The following GATAD2A variants were observed in gnomAD, a reference collection of about 807,000 sequenced individuals.
GATAD2A encodes GATA zinc finger domain containing 2A.
A neutral mutation model predicts 68.5 loss-of-function variants in GATAD2A; 12 were observed. That is an observed-to-expected ratio of 0.18 (90% CI 0.11 to 0.28). The LOEUF is 0.28. GATAD2A is among the 10% of genes least tolerant of loss of function. The pLI, the probability that GATAD2A is intolerant of heterozygous loss-of-function variation, is 1.00. For missense variants in GATAD2A, 755 were observed against 868.5 expected (o/e 0.87, Z 1.64); for synonymous variants, 410 against 375.3 (o/e 1.09, Z -1.07).
At chr19:19,475,234 C>T (rs1168883057) in intron 2 of GATAD2A, among the ~76,000 whole-genome samples, 1 of 152,220 alleles carries the variant, frequency 6.6e-6, no homozygotes, top group Non-Finnish European at 1.5e-5. Context: ...GCACAGCTGT[C>T]GACGTGAGGG....
rs201376703 is a variant in GATAD2A, at chr19:19,502,525, A to T, written c.1773A>T (p.Thr591=). The change falls in exon 11 of 12, where the codon ACA becomes ACT. Residue 591 remains threonine (T), a splice_region_variant and synonymous_variant. Transcript: ENST00000683918. Reference sequence around the variant, plus strand: ...ACTGGAAGAAGACGCCCCTCAGCACAGGTGGGTGACCTCCACAGGGCTCCC... The same window carrying T: ...ACTGGAAGAAGACGCCCCTCAGCACTGGTGGGTGACCTCCACAGGGCTCCC... ...TSNWKKTPLS[T]GGTLAFVSPS... 5.0e-6 allele frequency: 8 copies of T among 1,607,336 alleles called. No individual in the cohort carries two copies. In the East Asian group the frequency reaches 1.8e-4, roughly 36 times the overall value.
chr19:19,469,682 C>T lies in GATAD2A; in HGVS notation c.269+4068C>T, dbSNP rs545534644. Among the ~76,000 whole-genome samples the T allele has an allele frequency of 5.4e-4, 82 of 152,146 alleles. No individual in the cohort carries two copies. The South Asian group carries it at 0.016, about 31-fold the overall frequency. ...AAGATTCAGGCTGGGCGCAGTGGCT[C>T]ACGCCTGTAATGCCAGCACTTTGGG... is the stretch of plus-strand genomic sequence containing the variant. On this transcript the variant is annotated intron_variant, in intron 2 of 11. Coordinates refer to ENST00000683918, the MANE Select transcript of GATAD2A (RefSeq NM_001384528.1).
chr19:19,498,156 G>A (rs891547724), intron 7 of GATAD2A, among the ~76,000 whole-genome samples: 1 of 152,232 alleles, frequency 6.6e-6, no homozygotes, highest in Non-Finnish European at 1.5e-5. Context: ...TTCACATGGC[G>A]GAGCACAGCA....
chr19:19,409,572 A>G (rs1408096531), intron 1 of GATAD2A, among the ~76,000 whole-genome samples: 1 of 152,158 alleles, frequency 6.6e-6, no homozygotes, highest in Non-Finnish European at 1.5e-5. Context: ...CTGGCCTCAG[A>G]CTGTGGGTCT....
chr19:19,475,800 A>T (rs2058641140), intron 2 of GATAD2A, among the ~76,000 whole-genome samples: 1 of 151,974 alleles, frequency 6.6e-6, no homozygotes, highest in African/African-American at 2.4e-5. Flanking sequence ...CAGGCTCCTC[A>T]TCCAATTTCC....
intron 1 of GATAD2A, among the ~76,000 whole-genome samples, chr19:19,443,771 G>A (rs896124738): frequency 4.6e-5 from 7 of 152,012 alleles, no homozygotes; most frequent in African/African-American, 1.5e-4. Flanking sequence ...AGGGAGCTTC[G>A]TGACTGGATC....
intron 1 of GATAD2A, among the ~76,000 whole-genome samples, chr19:19,445,035 T>C (rs751192466): frequency 6.6e-5 from 10 of 152,146 alleles, no homozygotes; most frequent in South Asian, 2.1e-4. Flanking sequence ...GGCTCCTCCT[T>C]GGTGAATTCT....
chr19:19,428,240 T>C (rs1043176010), intron 1 of GATAD2A, among the ~76,000 whole-genome samples: 2 of 152,190 alleles, frequency 1.3e-5, no homozygotes, highest in African/African-American at 4.8e-5. Flanking sequence ...CATCTGCACG[T>C]AGACATTTGG....
At chr19:19,416,102 G>C (rs1197894624) in intron 1 of GATAD2A, among the ~76,000 whole-genome samples, 2 of 151,998 alleles carry the variant, frequency 1.3e-5, no homozygotes, top group African/African-American at 2.4e-5. Flanking sequence ...GGGATTACAG[G>C]TCCCCATCTA....
intron 2 of GATAD2A, among the ~76,000 whole-genome samples, chr19:19,483,087 G>C (rs2059168144): frequency 6.6e-6 from 1 of 152,090 alleles, no homozygotes; most frequent in African/African-American, 2.4e-5. Context: ...CCGGCTGGCC[G>C]CCCCCTGGCT....
chr19:19,430,300 T>C (rs1160034396), intron 1 of GATAD2A, among the ~76,000 whole-genome samples: 1 of 152,174 alleles, frequency 6.6e-6, no homozygotes, highest in East Asian at 1.9e-4. Context: ...TTCCTCAGGA[T>C]GATCTGCTGT....
At chr19:19,479,493 C>T (rs1382675331) in intron 2 of GATAD2A, among the ~76,000 whole-genome samples, 1 of 152,136 alleles carries the variant, frequency 6.6e-6, no homozygotes, top group Non-Finnish European at 1.5e-5. Flanking sequence ...CCCTAGATTC[C>T]TTGGACTATG....
intron 1 of GATAD2A, among the ~76,000 whole-genome samples, chr19:19,411,101 C>T (rs559891859): frequency 1.3e-5 from 2 of 152,324 alleles, no homozygotes; most frequent in Admixed American, 6.5e-5. Context: ...CACACTGGGG[C>T]GCATGCCTCA....
intron 2 of GATAD2A, among the ~76,000 whole-genome samples, chr19:19,469,547 T>C (rs1218180535): frequency 6.6e-6 from 1 of 152,146 alleles, no homozygotes; most frequent in Non-Finnish European, 1.5e-5. Flanking sequence ...AGAGGACATG[T>C]AGAAAACAAA....
At chr19:19,500,651 C>T (rs1346734917) in intron 8 of GATAD2A, among the ~76,000 whole-genome samples, 2 of 152,190 alleles carry the variant, frequency 1.3e-5, no homozygotes, top group Non-Finnish European at 2.9e-5. Flanking sequence ...GGGCCTATCC[C>T]GGGTGTGAGT....
At chr19:19,467,357 A>G (rs938864135) in intron 2 of GATAD2A, among the ~76,000 whole-genome samples, 2 of 152,086 alleles carry the variant, frequency 1.3e-5, no homozygotes, top group African/African-American at 4.8e-5. Context: ...GCCTGGGGAA[A>G]GAGTGAGACT....
chr19:19,406,342 A>G (rs1219524395), intron 1 of GATAD2A, among the ~76,000 whole-genome samples: 1 of 130,346 alleles, frequency 7.7e-6, no homozygotes, highest in Non-Finnish European at 1.6e-5. Flanking sequence ...GCCTCTTCCG[A>G]GTGGTCGGGA....
intron 1 of GATAD2A, among the ~76,000 whole-genome samples, chr19:19,430,976 GGTGTGTGTGTGT>G (rs71170687): frequency 0.033 from 4,452 of 136,730 alleles, 104 homozygotes; most frequent in Non-Finnish European, 0.044. Context: ...GTATGGTAGG[GGTGTGTGTGTGT>G]GTGTGTGTGT....
intron 2 of GATAD2A, among the ~76,000 whole-genome samples, chr19:19,484,165 G>A (rs919427443): frequency 6.6e-6 from 1 of 152,150 alleles, no homozygotes; most frequent in Non-Finnish European, 1.5e-5. Context: ...GCAACACAGC[G>A]AGACCCCACC....
Sources: gnomAD v4.1 joint callset for allele counts (sites outside exome capture counted in the v4.1 genomes callset) on GRCh38, gnomAD v4.1.1 for gene constraint, MANE v1.5 for transcripts, NCBI Gene and HGNC (gene_info 2026-07-23, HGNC 2026-07-21) for gene names.